The following TANGO6 variants were observed in gnomAD, a reference collection of about 807,000 sequenced individuals.
TANGO6 encodes the protein transport and golgi organization 6 homolog.
A neutral mutation model predicts 114.2 loss-of-function variants in TANGO6; 90 were observed. The ratio of observed to expected loss-of-function variants is 0.79; its 90% CI spans 0.66 to 0.94. TANGO6 has a LOEUF of 0.94. Ranked by LOEUF, TANGO6 falls within the 40% of genes least tolerant of loss-of-function variation. The pLI is 0.00. For missense variants in TANGO6, 1,274 were observed against 1,315.3 expected, an observed-to-expected ratio of 0.97 and a Z score of 0.49; for synonymous variants, 477 against 509.8, an observed-to-expected ratio of 0.94 and a Z score of 0.87.
intron 15 of TANGO6, among the ~76,000 whole-genome samples, chr16:69,012,394 T>C (rs975837957): frequency 6.6e-6 from 1 of 151,570 alleles, no homozygotes; most frequent in Non-Finnish European, 1.5e-5. Context: ...CCATCTCTAC[T>C]AAAAATACAA....
Position 68,919,047 on chromosome 16 carries a change from TCATTCCTCATTGATTCTCAATTCCC to T in TANGO6, c.1993-37_1993-13del. The T allele has an allele frequency of 6.3e-7, 1 of 1,585,082 alleles. No individual in the cohort carries two copies. The highest frequency in any genetic ancestry group is 1.8e-5 in the Admixed American group (1 of 54,654). On this transcript the variant is annotated splice_polypyrimidine_tract_variant and intron_variant, in intron 11 of 17. Transcript: ENST00000261778. ...TAAGGAGAATTATGATTTTTTTTTT[TCATTCCTCATTGATTCTCAATTCCC>T]TTTTTTGGGTAGGTGGTGGACTTTG...
chr16:69,070,651 A>G lies in TANGO6; in HGVS notation c.3109-12834A>G, dbSNP rs572909117. On this transcript the variant is annotated intron_variant, in intron 17 of 17. Transcript: ENST00000261778. ...CCATCTCAAAAAAAAAAAAAACAAA[A>G]AAACACACACAAAAGATCTTGGGGA... Among the ~76,000 whole-genome samples, 14 of 149,830 alleles carry G rather than the reference A, an allele frequency of 9.3e-5. No individual in the cohort carries two copies. In the East Asian group the frequency reaches 2.5e-3, roughly 27 times the overall value.
intron 7 of TANGO6, among the ~76,000 whole-genome samples, chr16:68,893,245 A>G (rs1392555017): frequency 6.6e-6 from 1 of 152,230 alleles, no homozygotes; most frequent in Admixed American, 6.5e-5. Context: ...GATACGAAAG[A>G]GGCCTTACAG....
At chr16:68,916,189 C>T (rs1963002056) in intron 11 of TANGO6, among the ~76,000 whole-genome samples, 1 of 152,132 alleles carries the variant, frequency 6.6e-6, no homozygotes, top group Non-Finnish European at 1.5e-5. Context: ...GGGTCTCCAA[C>T]CCCCAGGCCA....
At chr16:68,910,882 G>A (rs1280495028) in intron 11 of TANGO6, among the ~76,000 whole-genome samples, 1 of 151,932 alleles carries the variant, frequency 6.6e-6, no homozygotes, top group East Asian at 1.9e-4. Context: ...TCACCATGTT[G>A]GCCAGGCTGA....
chr16:69,033,037 T>G (rs1478418542), intron 16 of TANGO6, among the ~76,000 whole-genome samples: 4 of 151,446 alleles, frequency 2.6e-5, no homozygotes, highest in African/African-American at 9.7e-5. Flanking sequence ...AATACAAAAA[T>G]TAGCCCCGTG....
At chr16:68,964,563 A>ATTTT (rs762474177) in intron 14 of TANGO6, among the ~76,000 whole-genome samples, 7 of 133,358 alleles carry the variant, frequency 5.2e-5, no homozygotes, top group Non-Finnish European at 8.0e-5. Context: ...AAACATATTA[A>ATTTT]TTTTTTTTTT....
intron 14 of TANGO6, among the ~76,000 whole-genome samples, chr16:68,954,018 T>C (rs1963500246): frequency 6.6e-6 from 1 of 151,758 alleles, no homozygotes; most frequent in African/African-American, 2.4e-5. Flanking sequence ...GGTGGGCGGA[T>C]CACTTGAGGT....
Position 68,919,050 on chromosome 16 carries a change from TTCCTCATTGATTCTCAATTCCC to T in TANGO6, c.1993-33_1993-12del, listed in dbSNP as rs1224732117. 1 of 1,588,338 alleles carries T rather than the reference TTCCTCATTGATTCTCAATTCCC, an allele frequency of 6.3e-7. No individual in the cohort carries two copies. Among genetic ancestry groups the T allele is most frequent in the Non-Finnish European group, 8.6e-7 (1 of 1,165,920 alleles). On this transcript the variant is annotated splice_polypyrimidine_tract_variant and intron_variant, in intron 11 of 17. Transcript: ENST00000261778. The stretch of plus-strand genomic sequence containing the variant: ...GGAGAATTATGATTTTTTTTTTTCA[TTCCTCATTGATTCTCAATTCCC>T]TTTTTTGGGTAGGTGGTGGACTTTG...
chr16:69,038,807 TGGACG>T (rs1210015800), intron 16 of TANGO6, among the ~76,000 whole-genome samples: 2 of 151,652 alleles, frequency 1.3e-5, no homozygotes, highest in African/African-American at 4.8e-5. Flanking sequence ...CTTTGGGAGG[TGGACG>T]CGGGCAGATC....
rs150260108 is a variant in TANGO6, at chr16:68,974,639, C to T, written c.2842+471C>T. ...TCGCGCCACTGTGCTCCAGCCTGGG[C>T]GACAAAATGAGATTCCATCTCAAAA... On this transcript the variant is annotated intron_variant, in intron 15 of 17. Coordinates refer to ENST00000261778, the MANE Select transcript of TANGO6 (RefSeq NM_024562.2). 1.4e-3 allele frequency among the ~76,000 whole-genome samples: 206 copies of T among 151,942 alleles called. 1 individual carries two copies. Among genetic ancestry groups the T allele is most frequent in the Middle Eastern group, 0.01 (3 of 294 alleles).
At chr16:68,972,793 G>A (rs1226244238) in intron 14 of TANGO6, among the ~76,000 whole-genome samples, 1 of 152,174 alleles carries the variant, frequency 6.6e-6, no homozygotes, top group Admixed American at 6.6e-5. Context: ...AGAGTGGCAG[G>A]GGAAGGAGGG....
At chr16:68,861,510 G>A (rs552479278) in intron 2 of TANGO6, among the ~76,000 whole-genome samples, 58 of 152,250 alleles carry the variant, frequency 3.8e-4, no homozygotes, top group African/African-American at 1.4e-3. Context: ...CTTCCGGCAG[G>A]GTTATGCGTA....
intron 9 of TANGO6, among the ~76,000 whole-genome samples, chr16:68,903,633 AAAG>A (rs1273019078): frequency 6.9e-6 from 1 of 143,904 alleles, no homozygotes; most frequent in Non-Finnish European, 1.5e-5. Flanking sequence ...AAAAAAAAAA[AAAG>A]AAGGACCAGG....
At chr16:68,856,816 C>A (rs1962001947) in intron 1 of TANGO6, among the ~76,000 whole-genome samples, 1 of 152,108 alleles carries the variant, frequency 6.6e-6, no homozygotes, top group South Asian at 2.1e-4. Context: ...CCCTAAAAAA[C>A]CATGCTTCCT....
At chr16:68,859,246 C>T (rs1028195918) in intron 1 of TANGO6, among the ~76,000 whole-genome samples, 22 of 152,124 alleles carry the variant, frequency 1.4e-4, no homozygotes, top group Non-Finnish European at 7.4e-5. Context: ...TCTCAGCTCA[C>T]TGCAGCCTCG....
intron 14 of TANGO6, among the ~76,000 whole-genome samples, chr16:68,950,883 T>A (rs1963465373): frequency 1.3e-5 from 2 of 151,762 alleles, no homozygotes; most frequent in African/African-American, 4.8e-5. Flanking sequence ...TTTAAAAAAT[T>A]TAAAAATAAC....
intron 14 of TANGO6, among the ~76,000 whole-genome samples, chr16:68,961,786 AT>A (rs1963594301): frequency 6.6e-6 from 1 of 152,222 alleles, no homozygotes; most frequent in African/African-American, 2.4e-5. Context: ...AAAACAGTCA[AT>A]GATAGTTAAG....
At chr16:68,855,834 G>C (rs114071840) in intron 1 of TANGO6, among the ~76,000 whole-genome samples, 2,200 of 150,336 alleles carry the variant, frequency 0.015, 45 homozygotes, top group African/African-American at 0.051. Flanking sequence ...GCCGTGAGTT[G>C]AGATTGTGCC....
Sources: gnomAD v4.1 joint callset for allele counts (sites outside exome capture counted in the v4.1 genomes callset) on GRCh38, gnomAD v4.1.1 for gene constraint, MANE v1.5 for transcripts, NCBI Gene and HGNC (gene_info 2026-07-23, HGNC 2026-07-21) for gene names.